Variants in STK31 observed in about 807,000 individuals in gnomAD.
The protein encoded by STK31 is serine/threonine-protein kinase 31.
In STK31, 89 loss-of-function variants were observed where a neutral mutation model predicts 129.7. That is an observed-to-expected ratio of 0.69 (90% CI 0.58 to 0.82). The LOEUF (loss-of-function observed/expected upper bound fraction) is 0.82. Among genes scored for constraint, STK31 ranks in the 40% least tolerant of loss-of-function variants. The pLI is 0.00. For missense variants in STK31, 1,187 were observed against 1,176.4 expected (o/e 1.01, Z -0.13); for synonymous variants, 448 against 395.3 (o/e 1.13, Z -1.58).
chr7:23,784,092 AG>A (rs1791107173), intron 17 of STK31, among the ~76,000 whole-genome samples: 2 of 152,130 alleles, frequency 1.3e-5, no homozygotes, highest in African/African-American at 4.8e-5. Flanking sequence ...AGAGATGTTG[AG>A]GTGGGTATGG....
chr7:23,775,482 GTTTGTGTCC>G (rs901338233), intron 15 of STK31, among the ~76,000 whole-genome samples: 2 of 152,014 alleles, frequency 1.3e-5, no homozygotes, highest in African/African-American at 4.8e-5. Context: ...TTTTCCATTT[GTTTGTGTCC>G]TCTCTTATTT....
At chr7:23,745,132 A>G (rs1788272233) in intron 8 of STK31, among the ~76,000 whole-genome samples, 1 of 152,168 alleles carries the variant, frequency 6.6e-6, no homozygotes, top group South Asian at 2.1e-4. Context: ...GTGCAAGTGG[A>G]TGCCAGCTGT....
intron 15 of STK31, among the ~76,000 whole-genome samples, chr7:23,776,614 G>T (rs1431065108): frequency 3.3e-5 from 5 of 152,172 alleles, no homozygotes; most frequent in African/African-American, 1.2e-4. Context: ...TAGTCGATTT[G>T]CATAGAGGTG....
chr7:23,802,490 T>C (rs1406012607), intron 22 of STK31, among the ~76,000 whole-genome samples: 1 of 152,088 alleles, frequency 6.6e-6, no homozygotes, highest in Non-Finnish European at 1.5e-5. Flanking sequence ...ACGGAGACGT[T>C]TGAGGGGAGC....
intron 3 of STK31, among the ~76,000 whole-genome samples, chr7:23,715,641 T>C (rs1786270641): frequency 6.6e-6 from 1 of 151,986 alleles, no homozygotes; most frequent in South Asian, 2.1e-4. Flanking sequence ...AAAATATAGT[T>C]ATATGGAATA....
intron 22 of STK31, among the ~76,000 whole-genome samples, chr7:23,800,748 A>T (rs1470598282): frequency 1.3e-5 from 2 of 152,116 alleles, no homozygotes; most frequent in East Asian, 3.8e-4. Context: ...AAAGTATATA[A>T]AAAAAAGAAA....
At chr7:23,821,812 C>G (rs975412854) in intron 23 of STK31, among the ~76,000 whole-genome samples, 1 of 152,078 alleles carries the variant, frequency 6.6e-6, no homozygotes, top group Non-Finnish European at 1.5e-5. Context: ...TTTAATCAAT[C>G]TTGAATTGAT....
intron 22 of STK31, among the ~76,000 whole-genome samples, chr7:23,801,809 T>G (rs1792388421): frequency 6.6e-6 from 1 of 152,094 alleles, no homozygotes; most frequent in Non-Finnish European, 1.5e-5. Context: ...TATTCTCTGT[T>G]GAATTGTCTT....
intron 15 of STK31, among the ~76,000 whole-genome samples, chr7:23,773,734 A>AGT (rs58341131): frequency 0.26 from 33,234 of 130,016 alleles, 3,896 homozygotes; most frequent in Middle Eastern, 0.33. Context: ...TGTGTGTGTG[A>AGT]GTGTGTGTGT....
intron 23 of STK31, among the ~76,000 whole-genome samples, chr7:23,826,408 C>T (rs1391836758): frequency 2.0e-5 from 3 of 152,080 alleles, no homozygotes; most frequent in Non-Finnish European, 4.4e-5. Context: ...TTATCTGAGA[C>T]TAGGATTGCA....
At chr7:23,721,727 G>A in intron 4 of STK31, 1 of 768,462 alleles carries the variant, frequency 1.3e-6, no homozygotes, top group Admixed American at 1.7e-5. Context: ...CTGCACAAGT[G>A]GAGCAAATGA....
intron 15 of STK31, 88 bp downstream of exon 15, chr7:23,772,366 CT>C: frequency 7.5e-7 from 1 of 1,327,488 alleles, no homozygotes; most frequent in South Asian, 1.5e-5. Context: ...TAAATACACT[CT>C]TTACAATAAG....
chr7:23,780,623 T>C (rs1253179673), intron 15 of STK31, among the ~76,000 whole-genome samples: 1 of 152,196 alleles, frequency 6.6e-6, no homozygotes, highest in African/African-American at 2.4e-5. Flanking sequence ...TCTGCATTTT[T>C]ACATCAGAGG....
At chr7:23,821,669 G>A (rs548874200) in intron 23 of STK31, among the ~76,000 whole-genome samples, 52 of 152,210 alleles carry the variant, frequency 3.4e-4, no homozygotes, top group Non-Finnish European at 7.2e-4. Context: ...AGTCCCATTT[G>A]TCTCTTTTTG....
At chr7:23,813,589 A>G (rs74791741) in intron 22 of STK31, among the ~76,000 whole-genome samples, 1,889 of 152,194 alleles carry the variant, frequency 0.012, 35 homozygotes, top group African/African-American at 0.043. Flanking sequence ...CGACAATCTA[A>G]TTTTCAGAAA....
chr7:23,726,811 A>G (rs1236645346), intron 4 of STK31, among the ~76,000 whole-genome samples: 1 of 152,150 alleles, frequency 6.6e-6, no homozygotes, highest in East Asian at 1.9e-4. Context: ...GCTTGGTAGG[A>G]AATATGAATT....
intron 10 of STK31, among the ~76,000 whole-genome samples, chr7:23,754,702 A>G (rs745589943): frequency 2.0e-5 from 3 of 151,998 alleles, no homozygotes; most frequent in Non-Finnish European, 4.4e-5. Flanking sequence ...CCCTGTGTCC[A>G]TGTGTTCTCA....
At chr7:23,795,110 C>G (rs1003415443) in intron 22 of STK31, among the ~76,000 whole-genome samples, 6 of 152,202 alleles carry the variant, frequency 3.9e-5, no homozygotes, top group Non-Finnish European at 7.3e-5. Flanking sequence ...CAGGGCATGT[C>G]AGAAAGCTTC....
chr7:23,769,307 G>T, intron 12 of STK31, 133 bp downstream of exon 12: 1 of 795,530 alleles, frequency 1.3e-6, no homozygotes, highest in Non-Finnish European at 1.8e-6. Context: ...CACCTTACCA[G>T]TCAAGGTTCT....
Sources: gnomAD v4.1 joint callset for allele counts (sites outside exome capture counted in the v4.1 genomes callset) on GRCh38, gnomAD v4.1.1 for gene constraint, MANE v1.5 for transcripts, NCBI Gene and HGNC (gene_info 2026-07-23, HGNC 2026-07-21) for gene names.